FBXO34: variants seen among roughly 807,000 people sequenced by gnomAD.
FBXO34 encodes the protein F-box protein 34, also known as F-box only protein 34.
In FBXO34, 12 loss-of-function variants were observed where a neutral mutation model predicts 24.5. That is an observed-to-expected ratio of 0.49 (90% CI 0.31 to 0.79). The LOEUF (loss-of-function observed/expected upper bound fraction) is 0.79, where lower values mean the gene tolerates loss of function less well. FBXO34 is among the 30% of genes least tolerant of loss of function. FBXO34 has a pLI of 0.04. For synonymous variants in FBXO34, 320 were observed against 311.9 expected (o/e 1.03, Z -0.27); for missense variants, 823 against 857.7 (o/e 0.96, Z 0.51).
At chr14:55,433,020 A>T in the FBXO34 span, among the ~76,000 whole-genome samples, 1 of 152,220 alleles carries the variant, frequency 6.6e-6, no homozygotes. Flanking sequence ...AACACACTTC[A>T]TCATTACTGT....
At chr14:55,413,328 C>A in the FBXO34 span, among the ~76,000 whole-genome samples, 1 of 152,168 alleles carries the variant, frequency 6.6e-6, no homozygotes, top group African/African-American at 2.4e-5. Flanking sequence ...TAATTCCTAT[C>A]GTGCTAGATG....
At chr14:55,437,301 A>AT in the FBXO34 span, among the ~76,000 whole-genome samples, 1 of 152,222 alleles carries the variant, frequency 6.6e-6, no homozygotes, top group Non-Finnish European at 1.5e-5. Context: ...AATGTGGTGA[A>AT]ACCACGTCTC....
chr14:55,322,450 C>T (rs577957142), intron 1 of FBXO34, among the ~76,000 whole-genome samples: 4 of 152,278 alleles, frequency 2.6e-5, no homozygotes, highest in South Asian at 4.1e-4. Flanking sequence ...TCTCTCCTCC[C>T]CCACCATTGG....
the FBXO34 span, among the ~76,000 whole-genome samples, chr14:55,377,269 C>T: frequency 6.6e-6 from 1 of 152,134 alleles, no homozygotes; most frequent in Non-Finnish European, 1.5e-5. Context: ...ATCGCTTGAA[C>T]CCAGGAGGTG....
chr14:55,370,248 G>C (rs1884783604), downstream of FBXO34, among the ~76,000 whole-genome samples: 2 of 152,168 alleles, frequency 1.3e-5, no homozygotes, highest in African/African-American at 4.8e-5. Context: ...CTGTTGTAAA[G>C]AACTGCAGTG....
At chr14:55,330,748 G>A (rs1022931367) in intron 1 of FBXO34, among the ~76,000 whole-genome samples, 6 of 152,140 alleles carry the variant, frequency 3.9e-5, no homozygotes, top group Non-Finnish European at 4.4e-5. Flanking sequence ...CAGTGATCAC[G>A]CCACTGCACT....
rs568910103 is a variant in FBXO34, at chr14:55,317,487, A to G, written c.-10-32894A>G. Among the ~76,000 whole-genome samples the G allele has an allele frequency of 7.0e-4, 105 of 149,804 alleles. 1 individual carries two copies. The highest frequency in any genetic ancestry group is 1.3e-3 in the Non-Finnish European group (88 of 67,986). On this transcript the variant is annotated intron_variant, in intron 1 of 1. Coordinates refer to ENST00000313833, the MANE Select transcript of FBXO34 (RefSeq NM_017943.4). Reference sequence around the variant, plus strand: ...CAGAGTGAGACCCTGTCTCAAAAAAAACAAAAACAAAAACCAAAAAACGGT... The same window carrying G: ...CAGAGTGAGACCCTGTCTCAAAAAAGACAAAAACAAAAACCAAAAAACGGT...
chr14:55,399,043 A>C, the FBXO34 span, among the ~76,000 whole-genome samples: 228 of 152,312 alleles, frequency 1.5e-3, 2 homozygotes, highest in African/African-American at 5.1e-3. Flanking sequence ...AGACCTAAAA[A>C]TATTCTGGAC....
chr14:55,364,235 C>T (rs909405359), downstream of FBXO34, among the ~76,000 whole-genome samples: 1 of 152,012 alleles, frequency 6.6e-6, no homozygotes, highest in African/African-American at 2.4e-5. Flanking sequence ...AGGTGTGAGC[C>T]ACCACGCCCA....
chr14:55,393,294 A>G, the FBXO34 span, among the ~76,000 whole-genome samples: 4 of 151,986 alleles, frequency 2.6e-5, no homozygotes, highest in Non-Finnish European at 5.9e-5. Flanking sequence ...CTGAGGCAGG[A>G]GAATGGTGTG....
At chr14:55,296,391 G>GTTTTTTTTTTTTTTTTTTTTTTTTT (rs1167344634) in intron 1 of FBXO34, among the ~76,000 whole-genome samples, 11 of 64,758 alleles carry the variant, frequency 1.7e-4, no homozygotes, top group East Asian at 6.0e-4. Context: ...TGTTTTTTTT[G>GTTTTTTTTTTTTTTTTTTTTTTTTT]TTTTTTTTTT....
At chr14:55,360,460 T>C (rs1475192621) in intron 3 of FBXO34, among the ~76,000 whole-genome samples, 2 of 152,194 alleles carry the variant, frequency 1.3e-5, no homozygotes, top group African/African-American at 2.4e-5. Context: ...TTCAGTCACA[T>C]CTTCAGGCTC....
the FBXO34 span, chr14:55,396,103 G>A: frequency 1.5e-6 from 1 of 649,364 alleles, no homozygotes; most frequent in Non-Finnish European, 2.4e-6. Context: ...ATCAAAACGG[G>A]ACTTAGCATT....
rs1259096300 is a variant in FBXO34 at position 55,331,827 on chromosome 14, G to GTA, written c.-10-18547_-10-18546dup. Reference sequence around the variant, plus strand: ...ATATATATATATACACCACCGGGGTGTATATATAAAAATATATATATACAC... The same window carrying GTA: ...ATATATATATATACACCACCGGGGTGTATATATATAAAAATATATATATACAC... On this transcript the variant is annotated intron_variant, in intron 1 of 1. Coordinates refer to ENST00000313833, the MANE Select transcript of FBXO34 (RefSeq NM_017943.4). Among the ~76,000 whole-genome samples the GTA allele has an allele frequency of 4.1e-5, 2 of 49,234 alleles. 1 individual carries two copies. The highest frequency in any genetic ancestry group is 4.5e-4 in the Admixed American group (2 of 4,446). 32.3% of individuals were successfully genotyped at this position (49,234 alleles called of 152,430 possible).
At chr14:55,401,463 AAC>A in the FBXO34 span, among the ~76,000 whole-genome samples, 1 of 152,142 alleles carries the variant, frequency 6.6e-6, no homozygotes, top group African/African-American at 2.4e-5. Context: ...TCTGCCAGTG[AAC>A]CTGTTCCATG....
chr14:55,401,224 T>G, the FBXO34 span, among the ~76,000 whole-genome samples: 1 of 151,776 alleles, frequency 6.6e-6, no homozygotes, highest in East Asian at 1.9e-4. Flanking sequence ...CTACTGATTT[T>G]TCTTGTTATT....
At position 55,350,438 on chromosome 14, in the gene FBXO34, G is replaced by C. The variant is rs140058240; in HGVS notation, c.48G>C (p.Pro16=). 2 of 1,607,542 alleles carry C rather than the reference G, an allele frequency of 1.2e-6. No individual in the cohort carries two copies. Among genetic ancestry groups the C allele is most frequent in the African/African-American group, 1.3e-5 (1 of 74,498 alleles). Reference sequence around the variant, plus strand: ...AGCTCCAGAAGAAAGAGCACCCCCCGGAAGTCAGCAGGGAAACGCAGAGAA... The same window carrying C: ...AGCTCCAGAAGAAAGAGCACCCCCCCGAAGTCAGCAGGGAAACGCAGAGAA... ...YWKLQKKEHP[P]EVSRETQRTP... Residue 16 remains proline (P), a synonymous_variant, in exon 2 of 2, where the codon CCG becomes CCC. Coordinates refer to ENST00000313833, the MANE Select transcript of FBXO34 (RefSeq NM_017943.4).
the FBXO34 span, among the ~76,000 whole-genome samples, chr14:55,381,109 A>G: frequency 6.6e-6 from 1 of 151,712 alleles, no homozygotes; most frequent in Non-Finnish European, 1.5e-5. Context: ...AGTTCCTTCC[A>G]TGGCACCCAC....
At chr14:55,396,053 T>C in the FBXO34 span, 1 of 1,186,160 alleles carries the variant, frequency 8.4e-7, no homozygotes, top group Non-Finnish European at 1.2e-6. Context: ...AAATGTAAAA[T>C]CAAACACTTA....
Sources: gnomAD v4.1 joint callset for allele counts (sites outside exome capture counted in the v4.1 genomes callset) on GRCh38, gnomAD v4.1.1 for gene constraint, MANE v1.5 for transcripts, NCBI Gene and HGNC (gene_info 2026-07-23, HGNC 2026-07-21) for gene names.